GRIN2D: variants seen among roughly 807,000 people sequenced by gnomAD.
The protein encoded by GRIN2D is glutamate ionotropic receptor NMDA type subunit 2D.
A neutral mutation model predicts 103.2 loss-of-function variants in GRIN2D; 37 were observed. The ratio of observed to expected loss-of-function variants is 0.36; its 90% CI spans 0.28 to 0.47. GRIN2D has a LOEUF of 0.47. GRIN2D is among the 20% of genes least tolerant of loss of function. The probability of loss-of-function intolerance (pLI) is 1.00; values close to 1 mark genes in which losing one functional copy is unlikely to be tolerated. For synonymous variants in GRIN2D, 845 were observed against 885.6 expected (o/e 0.95, Z 0.81); for missense variants, 1,557 against 1,910.6 (o/e 0.81, Z 3.45).
chr19:48,413,661 C>CAAAAAAA (rs11368422), intron 4 of GRIN2D, among the ~76,000 whole-genome samples: 1 of 57,290 alleles, frequency 1.7e-5, no homozygotes. Context: ...GACTCTGTCT[C>CAAAAAAA]AAAAAAAAAA....
intron 4 of GRIN2D, among the ~76,000 whole-genome samples, chr19:48,409,476 T>A (rs1460848380): frequency 6.6e-6 from 1 of 151,840 alleles, no homozygotes; most frequent in East Asian, 1.9e-4. Flanking sequence ...GGGGTTTCAC[T>A]ATGTTGGCCA....
Position 48,414,180 on chromosome 19 carries a change from G to A in GRIN2D, c.1200+75G>A. ...CATCCTGGCAGAGGGGGGGCTTGAG[G>A]TCGTGGACTAAGAGGGAGGAGGGGA... On this transcript the variant is annotated intron_variant, in intron 5 of 13. Coordinates refer to ENST00000263269, the MANE Select transcript of GRIN2D (RefSeq NM_000836.4). The surrounding 1 kb of genome is among the most constrained non-coding windows in gnomAD (Gnocchi z 4.6). 3.0e-6 allele frequency: 3 copies of A among 1,000,956 alleles called. No individual in the cohort carries two copies. Among genetic ancestry groups the A allele is most frequent in the South Asian group, 2.7e-5 (2 of 74,994 alleles). 62.0% of individuals were successfully genotyped at this position (1,000,956 alleles called of 1,614,324 possible).
Position 48,443,665 on chromosome 19 carries a change from G to A in GRIN2D, c.3739G>A (p.Ala1247Thr), listed in dbSNP as rs1034596120. The A allele has an allele frequency of 3.1e-5, 37 of 1,177,268 alleles. No homozygotes were observed. In the African/African-American group the frequency reaches 5.6e-4, roughly 18 times the overall value. The allele number at this position is 1,177,268 out of a possible 1,614,324, so 72.9% of individuals were successfully genotyped here. The change falls in exon 14 of 14, where the codon GCG becomes ACG. Residue 1247 changes from alanine (A) to threonine (T), a missense_variant. Physicochemically the swap from Ala to Thr is moderately conservative, Grantham distance 58 (BLOSUM62 0). This residue lies in a region of GRIN2D where 632 missense variants were observed against 572.8 expected (regional missense o/e 1.10). Coordinates refer to ENST00000263269, the MANE Select transcript of GRIN2D (RefSeq NM_000836.4). This position sits in a 1 kb window ranked among gnomAD's most constrained non-coding sequence, Gnocchi z 8.9. ...CTCGCACCGCACGCCCGCCGCCGCC[G>A]CGCCCCACCACCACAGGCACCGGCG... Reference protein sequence around the residue: ...RASHRTPAAAAPHHHRHRRAA... With the variant: ...RASHRTPAAATPHHHRHRRAA...
chr19:48,442,106 C>T lies in GRIN2D; in HGVS notation c.2441-44C>T. 6.3e-7 allele frequency: 1 copy of T among 1,575,590 alleles called. No individual in the cohort carries two copies. The highest frequency in any genetic ancestry group is 1.1e-5 in the South Asian group (1 of 90,168). ...TTCCCACATCACAGACAAGGGTCCT[C>T]AGAGGGTACTCATAGCAGGTGACTT... On this transcript the variant is annotated intron_variant, in intron 12 of 13. Coordinates refer to ENST00000263269, the MANE Select transcript of GRIN2D (RefSeq NM_000836.4). The surrounding 1 kb of genome is among the most constrained non-coding windows in gnomAD (Gnocchi z 7.2).
chr19:48,427,601 C>T (rs967578218), intron 11 of GRIN2D, among the ~76,000 whole-genome samples: 1 of 149,642 alleles, frequency 6.7e-6, no homozygotes, highest in East Asian at 2.0e-4. Context: ...GCCTCAGCCT[C>T]CTGAGTAGCT....
chr19:48,415,726 G>A (rs1970939380), intron 7 of GRIN2D, among the ~76,000 whole-genome samples: 1 of 151,948 alleles, frequency 6.6e-6, no homozygotes, highest in South Asian at 2.1e-4. Flanking sequence ...GGAAGAGGGT[G>A]GGGCTGGGAA....
At position 48,432,222 on chromosome 19, in the gene GRIN2D, C is replaced by CT. The variant is rs1006061692; in HGVS notation, c.2253-9532dup. Among the ~76,000 whole-genome samples the CT allele has an allele frequency of 6.6e-3, 906 of 137,724 alleles. 6 individuals are homozygous for CT. Among genetic ancestry groups the CT allele is most frequent in the African/African-American group, 0.021 (745 of 36,336 alleles). The allele number at this position is 137,724 out of a possible 152,430, so 90.4% of individuals were successfully genotyped here. On this transcript the variant is annotated intron_variant, in intron 11 of 13. Coordinates refer to ENST00000263269, the MANE Select transcript of GRIN2D (RefSeq NM_000836.4). ...ACCGCACCCGGCCTTCTTTTTCTTTCTTTTTTTTTTTTTTTAGAGGCAGGT... is the reference window on the plus strand; with the variant it reads ...ACCGCACCCGGCCTTCTTTTTCTTTCTTTTTTTTTTTTTTTTAGAGGCAGGT...
chr19:48,438,289 T>TTTTTTTTGTTTTG (rs1971254531), intron 11 of GRIN2D, among the ~76,000 whole-genome samples: 2 of 15,422 alleles, frequency 1.3e-4, no homozygotes, highest in African/African-American at 3.6e-4. Context: ...CCAGCCGCCT[T>TTTTTTTTGTTTTG]TTTTTTTTTT....
Position 48,394,241 on chromosome 19 carries a change from C to T in GRIN2D, c.-306+373C>T, listed in dbSNP as rs1970603521. Among the ~76,000 whole-genome samples, 3 of 151,792 alleles carry T rather than the reference C, an allele frequency of 2.0e-5. No individual in the cohort carries two copies. The highest frequency in any genetic ancestry group is 2.0e-4 in the Admixed American group (3 of 15,226). Reference sequence around the variant, plus strand: ...AGCTCTGGGGGTGTTGAGGGGGAATCCCAGGGAAGTGAGATCGTGCGTGTG... The same window carrying T: ...AGCTCTGGGGGTGTTGAGGGGGAATTCCAGGGAAGTGAGATCGTGCGTGTG... On this transcript the variant is annotated intron_variant, in intron 1 of 13. Transcript: ENST00000263269. This position sits in a 1 kb window ranked among gnomAD's most constrained non-coding sequence, Gnocchi z 5.1.
At chr19:48,418,023 C>T (rs949051081) in intron 8 of GRIN2D, among the ~76,000 whole-genome samples, 4 of 150,560 alleles carry the variant, frequency 2.7e-5, no homozygotes, top group Non-Finnish European at 4.4e-5. Flanking sequence ...GATTCAGGCA[C>T]CTGCGAGTTC....
chr19:48,442,444 C>T lies in GRIN2D; in HGVS notation c.2673+62C>T. 3 of 1,557,128 alleles carry T rather than the reference C, an allele frequency of 1.9e-6. No homozygotes were observed. The highest frequency in any genetic ancestry group is 2.3e-5 in the East Asian group (1 of 44,414). ...GCAGGGGCGGGGACAAAGGTAAAGCCGAGCAGAGACAAGGAGATGTGGGTC... is the reference window on the plus strand; with the variant it reads ...GCAGGGGCGGGGACAAAGGTAAAGCTGAGCAGAGACAAGGAGATGTGGGTC... On this transcript the variant is annotated intron_variant, in intron 13 of 13. Coordinates refer to ENST00000263269, the MANE Select transcript of GRIN2D (RefSeq NM_000836.4). This position sits in a 1 kb window ranked among gnomAD's most constrained non-coding sequence, Gnocchi z 7.2.
intron 11 of GRIN2D, among the ~76,000 whole-genome samples, chr19:48,426,662 G>T (rs1266196885): frequency 6.6e-6 from 1 of 151,112 alleles, no homozygotes; most frequent in East Asian, 1.9e-4. Flanking sequence ...TCTGCTCACT[G>T]CAACCTCCAC....
In GRIN2D at chr19:48,414,031, T is replaced by C. The variant is rs1213933266; in HGVS notation, c.1126T>C (p.Phe376Leu). 6.2e-7 allele frequency: 1 copy of C among 1,612,886 alleles called. No homozygotes were observed. Among genetic ancestry groups the C allele is most frequent in the South Asian group, 1.1e-5 (1 of 91,070 alleles). The part of the protein sequence containing the change: ...NITWDNRDYS[F>L]NEDGFLVNPS... ...CACGTGGGATAACCGGGATTACTCC[T>C]TCAATGAGGACGGCTTCCTAGTGAA... The change falls in exon 5 of 14, where the codon TTC (phenylalanine) becomes CTC (leucine). Residue 376 changes from phenylalanine to leucine, a missense_variant. Around this residue, in one of 7 missense-constraint regions of GRIN2D, gnomAD observed 490 missense variants for 601.1 expected, o/e 0.82. Transcript: ENST00000263269. This position sits in a 1 kb window ranked among gnomAD's most constrained non-coding sequence, Gnocchi z 4.6.
chr19:48,414,252 C>T lies in GRIN2D; in HGVS notation c.1201-121C>T. On this transcript the variant is annotated intron_variant, in intron 5 of 13. Coordinates refer to ENST00000263269, the MANE Select transcript of GRIN2D (RefSeq NM_000836.4). This position sits in a 1 kb window ranked among gnomAD's most constrained non-coding sequence, Gnocchi z 4.6. Reference sequence around the variant, plus strand: ...TCCTGGGATCTGAAGGTGGGAGGGGCTCCTGGGTCTTGGAAGAAGCTGCTG... The same window carrying T: ...TCCTGGGATCTGAAGGTGGGAGGGGTTCCTGGGTCTTGGAAGAAGCTGCTG... The T allele has an allele frequency of 2.1e-6, 2 of 943,368 alleles. No individual in the cohort carries two copies. The highest frequency in any genetic ancestry group is 3.3e-6 in the Non-Finnish European group (2 of 612,162). The allele number at this position is 943,368 out of a possible 1,614,324, so 58.4% of individuals were successfully genotyped here.
At position 48,414,837 on chromosome 19, in the gene GRIN2D, C is replaced by T; in HGVS notation, c.1413-27C>T. 6.2e-7 allele frequency: 1 copy of T among 1,609,718 alleles called. No homozygotes were observed. Among genetic ancestry groups the T allele is most frequent in the Non-Finnish European group, 8.5e-7 (1 of 1,178,368 alleles). On this transcript the variant is annotated intron_variant, in intron 6 of 13. Transcript: ENST00000263269. This position sits in a 1 kb window ranked among gnomAD's most constrained non-coding sequence, Gnocchi z 4.6. ...AGAGTCTAAGGAGGGGGTCCCCAAA[C>T]TCCCCAAGCCTGGTCACTGCCCGCA...
intron 11 of GRIN2D, among the ~76,000 whole-genome samples, chr19:48,434,073 C>T (rs1000788475): frequency 9.2e-5 from 14 of 151,684 alleles, no homozygotes; most frequent in African/African-American, 3.4e-4. Flanking sequence ...CTCAGCTTCC[C>T]GAGTAGCTGG....
chr19:48,440,387 G>A (rs1600995615), intron 11 of GRIN2D, among the ~76,000 whole-genome samples: 1 of 152,124 alleles, frequency 6.6e-6, no homozygotes, highest in African/African-American at 2.4e-5. Flanking sequence ...GAGCCCAGGA[G>A]TTAGAGCCCA....
At chr19:48,439,035 C>T (rs1971263086) in intron 11 of GRIN2D, among the ~76,000 whole-genome samples, 1 of 151,054 alleles carries the variant, frequency 6.6e-6, no homozygotes, top group African/African-American at 2.4e-5. Context: ...CTGCCTTGGC[C>T]TCCCAAAGTG....
At position 48,442,300 on chromosome 19, in the gene GRIN2D, C is replaced by T. The variant is rs759470669; in HGVS notation, c.2591C>T (p.Ala864Val). 1 of 1,614,120 alleles carries T rather than the reference C, an allele frequency of 6.2e-7. No homozygotes were observed. The highest frequency in any genetic ancestry group is 8.5e-7 in the Non-Finnish European group (1 of 1,180,032). Residue 864 changes from alanine (A) to valine (V), a missense_variant, in exon 13 of 14, where the codon GCC becomes GTC. Physicochemically the swap from Ala to Val is moderately conservative, Grantham distance 64 (BLOSUM62 0). This residue lies in a region of GRIN2D where 138 missense variants were observed against 270.2 expected (regional missense o/e 0.51). Transcript: ENST00000263269. This position sits in a 1 kb window ranked among gnomAD's most constrained non-coding sequence, Gnocchi z 7.2. ...VAMGLSLLVF[A>V]WEHLVYWRLR... is the part of the protein sequence containing the mutation. ...ATGGGCCTGTCCCTGCTGGTCTTCG[C>T]CTGGGAGCACCTGGTGTACTGGCGC...
Sources: allele counts gnomAD v4.1 joint callset (sites outside exome capture counted in the v4.1 genomes callset), GRCh38; gene constraint gnomAD v4.1.1; regional missense constraint gnomAD v4.1.1; non-coding constraint Gnocchi (gnomAD v3.1); transcripts MANE v1.5; gene names NCBI Gene and HGNC (gene_info 2026-07-23, HGNC 2026-07-21).